TOX3: variants seen among roughly 807,000 people sequenced by gnomAD.
The protein encoded by TOX3 is CAG trinucleotide repeat-containing gene F9 protein.
TOX3 carries 22 observed loss-of-function variants against 64.3 expected under a neutral mutation model. The ratio of observed to expected loss-of-function variants is 0.34; its 90% CI spans 0.24 to 0.49. The LOEUF is 0.49. Ranked by LOEUF, TOX3 falls within the 20% of genes least tolerant of loss-of-function variation. TOX3 has a pLI of 0.99. For missense variants in TOX3, 661 were observed against 714.4 expected (o/e 0.93, Z 0.85); for synonymous variants, 291 against 273.6 (o/e 1.06, Z -0.63).
intron 6 of TOX3, among the ~76,000 whole-genome samples, chr16:52,440,969 A>G (rs1194686112): frequency 6.6e-6 from 1 of 151,700 alleles, no homozygotes; most frequent in East Asian, 1.9e-4. Flanking sequence ...TTACCATGTT[A>G]GCCAGGATGG....
intron 1 of TOX3, among the ~76,000 whole-genome samples, chr16:52,545,978 C>G (rs1207862798): frequency 6.6e-6 from 1 of 152,116 alleles, no homozygotes; most frequent in Non-Finnish European, 1.5e-5. Context: ...CCCCGAAATG[C>G]AAAACTTAGC....
At chr16:52,521,633 C>T (rs1272109373) in intron 1 of TOX3, among the ~76,000 whole-genome samples, 2 of 152,334 alleles carry the variant, frequency 1.3e-5, no homozygotes, top group Admixed American at 1.3e-4. Context: ...GCGTACACAG[C>T]TTCAGTGGAT....
At chr16:52,487,055 T>A (rs1961551773) in intron 1 of TOX3, among the ~76,000 whole-genome samples, 1 of 152,076 alleles carries the variant, frequency 6.6e-6, no homozygotes, top group South Asian at 2.1e-4. Flanking sequence ...ATTATCCCTG[T>A]GTAGATAAAG....
chr16:52,526,544 G>A (rs1321321890), intron 1 of TOX3, among the ~76,000 whole-genome samples: 3 of 152,034 alleles, frequency 2.0e-5, no homozygotes, highest in Non-Finnish European at 4.4e-5. Flanking sequence ...GGTCGGCAGG[G>A]GATGGGGGTG....
At chr16:52,477,743 T>C (rs1961253954) in intron 1 of TOX3, among the ~76,000 whole-genome samples, 1 of 152,168 alleles carries the variant, frequency 6.6e-6, no homozygotes, top group Admixed American at 6.5e-5. Flanking sequence ...AATTTTCCCA[T>C]CAATAAAACA....
intron 1 of TOX3, among the ~76,000 whole-genome samples, chr16:52,496,309 T>A (rs1961848657): frequency 6.6e-6 from 1 of 152,212 alleles, no homozygotes; most frequent in Non-Finnish European, 1.5e-5. Flanking sequence ...CAGTAATAAT[T>A]TTTGATTGGC....
At chr16:52,481,397 A>T (rs1465877184) in intron 1 of TOX3, among the ~76,000 whole-genome samples, 1 of 152,226 alleles carries the variant, frequency 6.6e-6, no homozygotes, top group Non-Finnish European at 1.5e-5. Context: ...TTTTTAAAAG[A>T]TCAATAAACC....
intron 1 of TOX3, among the ~76,000 whole-genome samples, chr16:52,545,868 C>T (rs1218738531): frequency 2.0e-5 from 3 of 152,182 alleles, no homozygotes; most frequent in African/African-American, 4.8e-5. Context: ...TGAGGTCCAC[C>T]TCGCCACCTG....
chr16:52,437,131 T>C lies in TOX3; in HGVS notation c.*2094A>G, dbSNP rs1959774236. The stretch of plus-strand genomic sequence containing the variant: ...CATTCTAAGGCTGTTTGAACACTGA[T>C]ACCTGTCAACTAATACATCTTATGA... On this transcript the variant is annotated 3_prime_UTR_variant, in exon 7 of 7. Transcript: ENST00000219746. The C allele has an allele frequency of 6.6e-6, 1 of 152,226 alleles. No homozygotes were observed. The highest frequency in any genetic ancestry group is 1.5e-5 in the Non-Finnish European group (1 of 68,026). The allele number at this position is 152,226 out of a possible 1,614,324, so 9.4% of individuals were successfully genotyped here. A position where few individuals can be genotyped will look rare whatever the true frequency, so the allele number is the denominator to read the frequency against.
Position 52,546,739 on chromosome 16 carries a change from G to A in TOX3, c.-16C>T. ...TCACATCCATGCCGAAGCTGGGCCC[G>A]GGGCCGGGGGCCGGGACTGGGGTTC... On this transcript the variant is annotated 5_prime_UTR_variant, in exon 1 of 7. Coordinates refer to ENST00000219746, the MANE Select transcript of TOX3 (RefSeq NM_001080430.4). 1.3e-6 allele frequency: 2 copies of A among 1,502,164 alleles called. No individual in the cohort carries two copies. The highest frequency in any genetic ancestry group is 1.8e-6 in the Non-Finnish European group (2 of 1,130,420). The allele number at this position is 1,502,164 out of a possible 1,614,324, so 93.1% of individuals were successfully genotyped here.
chr16:52,510,324 G>T (rs1962269955), intron 1 of TOX3, among the ~76,000 whole-genome samples: 1 of 152,106 alleles, frequency 6.6e-6, no homozygotes, highest in Admixed American at 6.5e-5. Flanking sequence ...TAATATTTGG[G>T]ACCAGGGTCT....
intron 1 of TOX3, among the ~76,000 whole-genome samples, chr16:52,472,361 C>A (rs1312753608): frequency 6.6e-6 from 1 of 152,150 alleles, no homozygotes; most frequent in African/African-American, 2.4e-5. Flanking sequence ...CCCTGCAATA[C>A]CCTGTGAAAT....
intron 6 of TOX3, 74 bp from the exon 7 acceptor site, chr16:52,440,042 T>C: frequency 4.0e-6 from 5 of 1,253,094 alleles, no homozygotes; most frequent in Non-Finnish European, 5.4e-6. Context: ...TTTTTAGATA[T>C]TATAAATTGA....
chr16:52,454,463 C>G (rs1380261380), intron 3 of TOX3, among the ~76,000 whole-genome samples: 3 of 152,144 alleles, frequency 2.0e-5, no homozygotes, highest in Non-Finnish European at 4.4e-5. Flanking sequence ...CACCACTCAC[C>G]ACGGTTCACA....
chr16:52,439,239 C>A lies in TOX3; in HGVS notation c.1717G>T (p.Val573Phe), dbSNP rs1345231851. The stretch of plus-strand genomic sequence containing the variant: ...CATATGCGTCTTCAGAAAATACTGA[C>A]CTGCGATAATACTTGAGTCTGTGTC... Reference protein sequence around the residue: ...SQTQTQVLSQVSIF With the variant: ...SQTQTQVLSQFSIF The change falls in exon 7 of 7, where the codon GTC becomes TTC. Residue 573 changes from valine to phenylalanine, a missense_variant. Coordinates refer to ENST00000219746, the MANE Select transcript of TOX3 (RefSeq NM_001080430.4). 1 of 1,613,766 alleles carries A rather than the reference C, an allele frequency of 6.2e-7. No individual in the cohort carries two copies.
intron 1 of TOX3, among the ~76,000 whole-genome samples, chr16:52,539,677 G>C (rs1244874961): frequency 6.6e-6 from 1 of 152,092 alleles, no homozygotes; most frequent in Non-Finnish European, 1.5e-5. Flanking sequence ...TGGTTGTTCA[G>C]CCCCAAACTC....
intron 1 of TOX3, among the ~76,000 whole-genome samples, chr16:52,530,833 A>G (rs1962836214): frequency 6.6e-6 from 1 of 151,956 alleles, no homozygotes; most frequent in African/African-American, 2.4e-5. Flanking sequence ...GTTTTCCTTT[A>G]CTTGGTTTCT....
At position 52,519,316 on chromosome 16, in the gene TOX3, T is replaced by C. The variant is rs1157057381; in HGVS notation, c.87+27321A>G. ...ATTCTTAAACTAGAAATGTAAGGGTTAGTGCATTCATCAGACAAACTGATA... is the reference window on the plus strand; with the variant it reads ...ATTCTTAAACTAGAAATGTAAGGGTCAGTGCATTCATCAGACAAACTGATA... On this transcript the variant is annotated intron_variant, in intron 1 of 6. Coordinates refer to ENST00000219746, the MANE Select transcript of TOX3 (RefSeq NM_001080430.4). The C allele has an allele frequency of 1.8e-5, 22 of 1,256,326 alleles. No individual in the cohort carries two copies. The East Asian group carries it at 2.1e-4, about 12-fold the overall frequency. The allele number at this position is 1,256,326 out of a possible 1,614,324, so 77.8% of individuals were successfully genotyped here.
chr16:52,458,740 G>A (rs545281553), intron 3 of TOX3, among the ~76,000 whole-genome samples: 1 of 152,298 alleles, frequency 6.6e-6, no homozygotes, highest in Non-Finnish European at 1.5e-5. Context: ...TTCAGAGTCA[G>A]TAGTATGCAC....
Sources: gnomAD v4.1 joint callset for allele counts (sites outside exome capture counted in the v4.1 genomes callset) on GRCh38, gnomAD v4.1.1 for gene constraint, MANE v1.5 for transcripts, NCBI Gene and HGNC (gene_info 2026-07-23, HGNC 2026-07-21) for gene names.